Variants in USP43 observed in about 807,000 individuals in gnomAD.
The protein encoded by USP43 is ubiquitin carboxyl-terminal hydrolase 43.
Under a neutral mutation model 90.7 loss-of-function variants are expected in USP43, and 33 were observed. That is an observed-to-expected ratio of 0.36 (90% CI 0.28 to 0.49). The LOEUF (loss-of-function observed/expected upper bound fraction) is 0.49, where lower values mean the gene tolerates loss of function less well. Ranked by LOEUF, USP43 falls within the 20% of genes least tolerant of loss-of-function variation. The pLI is 0.98. For missense variants in USP43, 1,274 were observed against 1,476.4 expected (o/e 0.86, Z 2.25); for synonymous variants, 598 against 615.8 (o/e 0.97, Z 0.43).
At chr17:9,668,455 A>C (rs1000213164) in intron 3 of USP43, among the ~76,000 whole-genome samples, 5 of 152,258 alleles carry the variant, frequency 3.3e-5, no homozygotes, top group African/African-American at 1.2e-4. Flanking sequence ...ATAGGATATA[A>C]TTACTGTCTT....
At chr17:9,688,005 A>G (rs1914689391) in intron 8 of USP43, among the ~76,000 whole-genome samples, 1 of 152,192 alleles carries the variant, frequency 6.6e-6, no homozygotes, top group Non-Finnish European at 1.5e-5. Flanking sequence ...TTGTTTTTTG[A>G]GACGGAGTCT....
intron 3 of USP43, among the ~76,000 whole-genome samples, chr17:9,670,548 C>T (rs1374329087): frequency 6.6e-6 from 1 of 152,080 alleles, no homozygotes; most frequent in African/African-American, 2.4e-5. Flanking sequence ...AACCCTCACC[C>T]CAGTCTTGCT....
At chr17:9,716,334 ATACT>A (rs1397976859) in intron 14 of USP43, among the ~76,000 whole-genome samples, 1 of 152,192 alleles carries the variant, frequency 6.6e-6, no homozygotes, top group Non-Finnish European at 1.5e-5. Flanking sequence ...TAATCCTTCA[ATACT>A]TAAAGTATAT....
At position 9,680,471 on chromosome 17, in the gene USP43, G is replaced by A; in HGVS notation, c.1105+105G>A. The stretch of plus-strand genomic sequence containing the variant: ...ATAAAACATCCAATTTTAGCACTTG[G>A]AACAGTCAGACTTATTATCCCTGGC... On this transcript the variant is annotated intron_variant, in intron 6 of 14. Transcript: ENST00000285199. 3.0e-6 allele frequency: 4 copies of A among 1,330,074 alleles called. No individual in the cohort carries two copies. The Admixed American group carries it at 8.3e-5, about 27-fold the overall frequency. 82.4% of individuals were successfully genotyped at this position (1,330,074 alleles called of 1,614,324 possible).
chr17:9,653,489 G>A (rs569648473), intron 1 of USP43, among the ~76,000 whole-genome samples: 72 of 152,260 alleles, frequency 4.7e-4, no homozygotes, highest in Admixed American at 5.9e-4. Context: ...TCAGGGGGCT[G>A]AGGCAGGAGA....
At chr17:9,722,568 G>A (rs1280520552) in intron 14 of USP43, among the ~76,000 whole-genome samples, 2 of 152,158 alleles carry the variant, frequency 1.3e-5, no homozygotes, top group African/African-American at 2.4e-5. Context: ...GGTTCATTGG[G>A]AAGTTTTGCC....
At chr17:9,700,318 C>A in intron 10 of USP43, 69 bp downstream of exon 10, 1 of 1,465,882 alleles carries the variant, frequency 6.8e-7, no homozygotes, top group Admixed American at 2.0e-5. Context: ...TTTCCCTGGA[C>A]GCAGCTTCCC....
intron 1 of USP43, among the ~76,000 whole-genome samples, chr17:9,648,625 A>T (rs1911626381): frequency 6.6e-6 from 1 of 152,212 alleles, no homozygotes; most frequent in South Asian, 2.1e-4. Flanking sequence ...GCTGAGTTGA[A>T]TTTTGAAGGA....
chr17:9,658,571 G>A (rs775473478), intron 2 of USP43, among the ~76,000 whole-genome samples: 2 of 152,152 alleles, frequency 1.3e-5, no homozygotes, highest in Non-Finnish European at 2.9e-5. Flanking sequence ...AATCACCACA[G>A]TAAAACCTGG....
chr17:9,720,339 A>G (rs1567684344), intron 14 of USP43, among the ~76,000 whole-genome samples: 1 of 145,092 alleles, frequency 6.9e-6, no homozygotes, highest in Non-Finnish European at 1.5e-5. Flanking sequence ...AAAAAAAAAA[A>G]AGAAAGAAAG....
Position 9,728,354 on chromosome 17 carries a change from A to C in USP43, c.2736A>C (p.Ala912=). 6.2e-7 allele frequency: 1 copy of C among 1,609,938 alleles called. No individual in the cohort carries two copies. The highest frequency in any genetic ancestry group is 8.5e-7 in the Non-Finnish European group (1 of 1,178,112). The change falls in exon 15 of 15, where the codon GCA becomes GCC. Residue 912 remains alanine (A), a synonymous_variant. Coordinates refer to ENST00000285199, the MANE Select transcript of USP43 (RefSeq NM_153210.5). The surrounding 1 kb of genome is among the most constrained non-coding windows in gnomAD (Gnocchi z 6.2). ...GAAACTCAGATGGTCCAAACACAGC[A>C]AGGAAACTCAAGGAAAATGCAGGGC... The part of the protein sequence containing the change: ...APGNSDGPNT[A]RKLKENAGQD...
At chr17:9,656,371 A>C in intron 1 of USP43, 32 bp from the exon 2 acceptor site, 1 of 1,592,820 alleles carries the variant, frequency 6.3e-7, no homozygotes, top group Non-Finnish European at 8.6e-7. Flanking sequence ...AAGGGGCCAA[A>C]TTCACCTCTC....
intron 3 of USP43, among the ~76,000 whole-genome samples, chr17:9,672,806 G>A (rs1270883765): frequency 6.6e-6 from 1 of 152,172 alleles, no homozygotes; most frequent in Non-Finnish European, 1.5e-5. Context: ...TCAGGTTGAT[G>A]GTCTGATAAG....
At chr17:9,684,501 C>T (rs1420441612) in intron 7 of USP43, among the ~76,000 whole-genome samples, 3 of 152,118 alleles carry the variant, frequency 2.0e-5, no homozygotes, top group Admixed American at 6.5e-5. Flanking sequence ...CGGTGGCTCA[C>T]GCCTGTAATC....
intron 1 of USP43, among the ~76,000 whole-genome samples, chr17:9,650,461 G>A (rs1911776142): frequency 6.6e-6 from 1 of 152,052 alleles, no homozygotes; most frequent in African/African-American, 2.4e-5. Context: ...GGAGTGCAGG[G>A]GCGCTATCTC....
chr17:9,684,941 A>G lies in USP43; in HGVS notation c.1242-1857A>G, dbSNP rs114119042. The stretch of plus-strand genomic sequence containing the variant: ...AATTGGTATGGCTTCTTTGGAGGAC[A>G]GTTTGGGAAGAAAGAGCTTTAGTCT... On this transcript the variant is annotated intron_variant, in intron 7 of 14. Transcript: ENST00000285199. Among the ~76,000 whole-genome samples, 517 of 152,294 alleles carry G rather than the reference A, an allele frequency of 3.4e-3. 4 individuals are homozygous for G. The highest frequency in any genetic ancestry group is 0.012 in the African/African-American group (495 of 41,560).
At chr17:9,700,944 TA>T (rs1915528465) in intron 10 of USP43, among the ~76,000 whole-genome samples, 174 bp from the exon 11 acceptor site, 1 of 151,894 alleles carries the variant, frequency 6.6e-6, no homozygotes, top group South Asian at 2.1e-4. Flanking sequence ...AGAATTCCAG[TA>T]AAATATAGTG....
Position 9,701,020 on chromosome 17 carries a change from G to A in USP43, c.1536-99G>A. On this transcript the variant is annotated intron_variant, in intron 10 of 14. Coordinates refer to ENST00000285199, the MANE Select transcript of USP43 (RefSeq NM_153210.5). This position sits in a 1 kb window ranked among gnomAD's most constrained non-coding sequence, Gnocchi z 7.2. ...AGGCAGGGCACGGTAGTGTGGCCTG[G>A]CCAATGTCTGCTGACGGGTTTGCTG... 7.2e-7 allele frequency: 1 copy of A among 1,385,732 alleles called. No homozygotes were observed. Among genetic ancestry groups the A allele is most frequent in the African/African-American group, 1.5e-5 (1 of 68,832 alleles). The allele number at this position is 1,385,732 out of a possible 1,614,324, so 85.8% of individuals were successfully genotyped here.
In USP43 at chr17:9,729,178, A is replaced by C. The variant is rs960055204; in HGVS notation, c.*188A>C. 13 of 465,056 alleles carry C rather than the reference A, an allele frequency of 2.8e-5. No homozygotes were observed. The highest frequency in any genetic ancestry group is 4.2e-5 in the Non-Finnish European group (12 of 283,616). The allele number at this position is 465,056 out of a possible 1,614,324, so 28.8% of individuals were successfully genotyped here. A position where few individuals can be genotyped will look rare whatever the true frequency, so the allele number is the denominator to read the frequency against. On this transcript the variant is annotated 3_prime_UTR_variant, in exon 15 of 15. Coordinates refer to ENST00000285199, the MANE Select transcript of USP43 (RefSeq NM_153210.5). ...CAACACCCAAGGTCCATATAACCCA[A>C]GGTCGAAAACCTTCCTGCATCATTG...
Sources: gnomAD v4.1 joint callset for allele counts (sites outside exome capture counted in the v4.1 genomes callset) on GRCh38, gnomAD v4.1.1 for gene constraint, Gnocchi (gnomAD v3.1) non-coding constraint, MANE v1.5 for transcripts, NCBI Gene and HGNC (gene_info 2026-07-23, HGNC 2026-07-21) for gene names.